Variants in OR51B6 observed in about 807,000 individuals in gnomAD.
The protein encoded by OR51B6 is olfactory receptor family 51 subfamily B member 6, also known as olfactory receptor 51B6.
For synonymous variants in OR51B6, 154 were observed against 137.3 expected, an observed-to-expected ratio of 1.12 and a Z score of -0.85; for missense variants, 502 against 382.2, an observed-to-expected ratio of 1.31 and a Z score of -2.61.
chr11:5,351,935 G>T lies in OR51B6; in HGVS notation c.428G>T (p.Gly143Val). 1 of 1,613,086 alleles carries T rather than the reference G, an allele frequency of 6.2e-7. No individual in the cohort carries two copies. Among genetic ancestry groups the T allele is most frequent in the African/African-American group, 1.3e-5 (1 of 74,986 alleles). ...ILTNTQVMKI[G>V]VRVLTRAGLS... is the part of the protein sequence containing the mutation. ...ACCAACACCCAGGTAATGAAGATTG[G>T]TGTGCGGGTATTGACAAGGGCTGGT... Residue 143 changes from glycine to valine, a missense_variant, in exon 1 of 1, where the codon GGT becomes GTT. Transcript: ENST00000380219.
rs1425220169 is a variant in OR51B6, at chr11:5,351,883, AGCCCCTTAAGATAT to A, written c.377_390del (p.Ser126AsnfsTer59). ...TTATGACTGTTTCATTACCATCCGC[AGCCCCTTAAGATAT>A]ACCTCTATCCTGACCAACACCCAGG... On this transcript the variant is annotated frameshift_variant, in exon 1 of 1. Coordinates refer to ENST00000380219, the MANE Select transcript of OR51B6 (RefSeq NM_001004750.1). LOFTEE classifies it low-confidence loss of function (END_TRUNC). 1 of 1,613,264 alleles carries A rather than the reference AGCCCCTTAAGATAT, an allele frequency of 6.2e-7. No individual in the cohort carries two copies. Among genetic ancestry groups the A allele is most frequent in the South Asian group, 1.1e-5 (1 of 91,056 alleles).
In OR51B6 at chr11:5,351,579, G is replaced by GA; in HGVS notation, c.73dup (p.Ile25AsnfsTer26). ...CAGGCATGGAGAAGGCACATCACTG[G>GA]ATATTCATCCCATTATTGGCAGCCT... On this transcript the variant is annotated frameshift_variant, in exon 1 of 1. Coordinates refer to ENST00000380219, the MANE Select transcript of OR51B6 (RefSeq NM_001004750.1). LOFTEE classifies it low-confidence loss of function (END_TRUNC). The GA allele has an allele frequency of 6.2e-7, 1 of 1,614,084 alleles. No individual in the cohort carries two copies. Among genetic ancestry groups the GA allele is most frequent in the Non-Finnish European group, 8.5e-7 (1 of 1,180,006 alleles).
In OR51B6 at chr11:5,352,008, T is replaced by C; in HGVS notation, c.501T>C (p.Cys167=). ...IVVRLHWFPY[C]RSHVLSHAFC... is the part of the protein sequence containing the mutation. ...TTCGCCTACACTGGTTTCCCTACTG[T>C]CGATCCCATGTACTCTCCCATGCTT... The change falls in exon 1 of 1, where the codon TGT becomes TGC. Residue 167 remains cysteine (C), a synonymous_variant. Transcript: ENST00000380219. 3.7e-6 allele frequency: 6 copies of C among 1,613,764 alleles called. No individual in the cohort carries two copies. The East Asian group carries it at 1.1e-4, about 30-fold the overall frequency.
Position 5,352,239 on chromosome 11 carries a change from C to T in OR51B6, c.732C>T (p.Cys244=). The T allele has an allele frequency of 1.2e-6, 2 of 1,614,190 alleles. No individual in the cohort carries two copies. Among genetic ancestry groups the T allele is most frequent in the South Asian group, 1.1e-5 (1 of 91,078 alleles). The change falls in exon 1 of 1, where the codon TGC becomes TGT. Residue 244 remains cysteine (C), a synonymous_variant. Coordinates refer to ENST00000380219, the MANE Select transcript of OR51B6 (RefSeq NM_001004750.1). ...KALNTCVSHI[C]CILVFYVTVV... is the part of the protein sequence containing the mutation. ...TCAACACATGTGTCTCTCATATCTG[C>T]TGCATCCTGGTCTTCTATGTCACTG...
In OR51B6 at chr11:5,351,550, T is replaced by C; in HGVS notation, c.43T>C (p.Phe15Leu). The change falls in exon 1 of 1, where the codon TTC (phenylalanine) becomes CTC (leucine). Residue 15 changes from phenylalanine to leucine, a missense_variant. Transcript: ENST00000380219. ...KSASTFQLTG[F>L]PGMEKAHHWI... Reference sequence around the variant, plus strand: ...TGCTTCCACCTTCCAGCTTACTGGCTTCCCAGGCATGGAGAAGGCACATCA... The same window carrying C: ...TGCTTCCACCTTCCAGCTTACTGGCCTCCCAGGCATGGAGAAGGCACATCA... The C allele has an allele frequency of 6.2e-7, 1 of 1,613,866 alleles. No homozygotes were observed. The highest frequency in any genetic ancestry group is 2.2e-5 in the East Asian group (1 of 44,874).
In OR51B6 at chr11:5,351,570, A is replaced by T. The variant is rs528500526; in HGVS notation, c.63A>T (p.Ala21=). Residue 21 remains alanine (A), a synonymous_variant, in exon 1 of 1, where the codon GCA becomes GCT. Transcript: ENST00000380219. ...CTGGCTTCCCAGGCATGGAGAAGGCACATCACTGGATATTCATCCCATTAT... is the reference window on the plus strand; with the variant it reads ...CTGGCTTCCCAGGCATGGAGAAGGCTCATCACTGGATATTCATCCCATTAT... ...QLTGFPGMEK[A]HHWIFIPLLA... The T allele has an allele frequency of 6.2e-7, 1 of 1,614,090 alleles. No individual in the cohort carries two copies. Among genetic ancestry groups the T allele is most frequent in the East Asian group, 2.2e-5 (1 of 44,880 alleles).
At position 5,352,249 on chromosome 11, in the gene OR51B6, G is replaced by C; in HGVS notation, c.742G>C (p.Val248Leu). 6.2e-7 allele frequency: 1 copy of C among 1,614,160 alleles called. No homozygotes were observed. The highest frequency in any genetic ancestry group is 1.6e-4 in the Middle Eastern group (1 of 6,062). ...TCVSHICCIL[V>L]FYVTVVCLTF... ...TGTCTCTCATATCTGCTGCATCCTG[G>C]TCTTCTATGTCACTGTAGTTTGTCT... The change falls in exon 1 of 1, where the codon GTC becomes CTC. Residue 248 changes from valine to leucine, a missense_variant. By Grantham distance (32) the Val-to-Leu change is conservative. Transcript: ENST00000380219.
At position 5,351,860 on chromosome 11, in the gene OR51B6, A is replaced by G. The variant is rs747932488; in HGVS notation, c.353A>G (p.Tyr118Cys). 1.2e-6 allele frequency: 2 copies of G among 1,613,672 alleles called. No individual in the cohort carries two copies. The highest frequency in any genetic ancestry group is 4.5e-5 in the East Asian group (2 of 44,878). The change falls in exon 1 of 1, where the codon TAT becomes TGT. Residue 118 changes from tyrosine to cysteine, a missense_variant. Physicochemically the swap from Tyr to Cys is radical, Grantham distance 194. Coordinates refer to ENST00000380219, the MANE Select transcript of OR51B6 (RefSeq NM_001004750.1). ...MESGVLLAMA[Y>C]DCFITIRSPL... Reference sequence around the variant, plus strand: ...TCAGGTGTCTTGCTTGCCATGGCTTATGACTGTTTCATTACCATCCGCAGC... The same window carrying G: ...TCAGGTGTCTTGCTTGCCATGGCTTGTGACTGTTTCATTACCATCCGCAGC...
chr11:5,352,277 C>G lies in OR51B6; in HGVS notation c.770C>G (p.Thr257Arg). The G allele has an allele frequency of 6.2e-7, 1 of 1,614,206 alleles. No homozygotes were observed. The highest frequency in any genetic ancestry group is 8.5e-7 in the Non-Finnish European group (1 of 1,180,022). The change falls in exon 1 of 1, where the codon ACA becomes AGA. Residue 257 changes from threonine to arginine, a missense_variant. Thr to Arg is a moderately conservative substitution (Grantham distance 71, BLOSUM62 -1). Coordinates refer to ENST00000380219, the MANE Select transcript of OR51B6 (RefSeq NM_001004750.1). ...TTCTATGTCACTGTAGTTTGTCTGA[C>G]ATTTATTCATAGGTTTGGAAAGCAT... ...LVFYVTVVCL[T>R]FIHRFGKHVP...
At position 5,352,129 on chromosome 11, in the gene OR51B6, G is replaced by T. The variant is rs936222203; in HGVS notation, c.622G>T (p.Asp208Tyr). ...AGTTTTATTTGCAATGGTCTTGTTG[G>T]ACTTTCTCATCATCTTTTTCTCCTA... ...VVVLFAMVLLDFLIIFFSYIL... is the reference protein window; with the variant it reads ...VVVLFAMVLLYFLIIFFSYIL... Residue 208 changes from aspartate (D) to tyrosine (Y), a missense_variant, in exon 1 of 1, where the codon GAC becomes TAC. Coordinates refer to ENST00000380219, the MANE Select transcript of OR51B6 (RefSeq NM_001004750.1). The T allele has an allele frequency of 6.2e-7, 1 of 1,614,094 alleles. No homozygotes were observed. The highest frequency in any genetic ancestry group is 2.2e-5 in the East Asian group (1 of 44,884).
In OR51B6 at chr11:5,351,613, A is replaced by G; in HGVS notation, c.106A>G (p.Ile36Val). Reference protein sequence around the residue: ...FIPLLAAYISILLGNGTLLFL... With the variant: ...FIPLLAAYISVLLGNGTLLFL... ...CCCATTATTGGCAGCCTACATCTCC[A>G]TACTTCTTGGCAATGGCACTCTTCT... Residue 36 changes from isoleucine (I) to valine (V), a missense_variant, in exon 1 of 1, where the codon ATA (isoleucine) becomes GTA (valine). Transcript: ENST00000380219. The G allele has an allele frequency of 6.2e-7, 1 of 1,614,074 alleles. No individual in the cohort carries two copies. Among genetic ancestry groups the G allele is most frequent in the Middle Eastern group, 1.7e-4 (1 of 6,060 alleles).
Position 5,351,958 on chromosome 11 carries a change from G to A in OR51B6, c.451G>A (p.Gly151Ser). Residue 151 changes from glycine to serine, a missense_variant, in exon 1 of 1, where the codon GGT becomes AGT. By Grantham distance (56) the Gly-to-Ser change is moderately conservative (BLOSUM62 0). Coordinates refer to ENST00000380219, the MANE Select transcript of OR51B6 (RefSeq NM_001004750.1). ...TGGTGTGCGGGTATTGACAAGGGCT[G>A]GTCTGTCCATTATGCCAATAGTTGT... is the stretch of plus-strand genomic sequence containing the variant. ...KIGVRVLTRA[G>S]LSIMPIVVRL... 6.2e-7 allele frequency: 1 copy of A among 1,612,914 alleles called. No homozygotes were observed. Among genetic ancestry groups the A allele is most frequent in the Non-Finnish European group, 8.5e-7 (1 of 1,178,988 alleles).
Position 5,351,942 on chromosome 11 carries a change from G to A in OR51B6, c.435G>A (p.Arg145=), listed in dbSNP as rs1440843569. Residue 145 remains arginine (R), a synonymous_variant, in exon 1 of 1, where the codon CGG becomes CGA. Coordinates refer to ENST00000380219, the MANE Select transcript of OR51B6 (RefSeq NM_001004750.1). ...CCCAGGTAATGAAGATTGGTGTGCG[G>A]GTATTGACAAGGGCTGGTCTGTCCA... ...TNTQVMKIGV[R]VLTRAGLSIM... The A allele has an allele frequency of 1.9e-6, 3 of 1,612,832 alleles. No individual in the cohort carries two copies. The highest frequency in any genetic ancestry group is 1.7e-5 in the Admixed American group (1 of 60,000).
Position 5,351,929 on chromosome 11 carries a change from A to C in OR51B6, c.422A>C (p.Lys141Thr). 1 of 1,613,140 alleles carries C rather than the reference A, an allele frequency of 6.2e-7. No individual in the cohort carries two copies. Among genetic ancestry groups the C allele is most frequent in the Non-Finnish European group, 8.5e-7 (1 of 1,179,134 alleles). ...TSILTNTQVM[K>T]IGVRVLTRAG... ...ATCCTGACCAACACCCAGGTAATGA[A>C]GATTGGTGTGCGGGTATTGACAAGG... The change falls in exon 1 of 1, where the codon AAG becomes ACG. Residue 141 changes from lysine (K) to threonine (T), a missense_variant. Physicochemically the swap from Lys to Thr is moderately conservative, Grantham distance 78. Transcript: ENST00000380219.
Position 5,351,731 on chromosome 11 carries a change from C to A in OR51B6, c.224C>A (p.Thr75Lys), listed in dbSNP as rs185127545. 3.1e-6 allele frequency: 5 copies of A among 1,613,946 alleles called. No homozygotes were observed. The Admixed American group carries it at 6.7e-5, about 22-fold the overall frequency. Residue 75 changes from threonine (T) to lysine (K), a missense_variant, in exon 1 of 1, where the codon ACA becomes AAA. Coordinates refer to ENST00000380219, the MANE Select transcript of OR51B6 (RefSeq NM_001004750.1). ...AATDLGVTLT[T>K]MPTVLGVLWL... ...ACAGACCTCGGAGTGACATTGACCACAATGCCCACAGTGCTAGGTGTTCTG... is the reference window on the plus strand; with the variant it reads ...ACAGACCTCGGAGTGACATTGACCAAAATGCCCACAGTGCTAGGTGTTCTG...
Position 5,351,715 on chromosome 11 carries a change from G to A in OR51B6, c.208G>A (p.Gly70Arg), listed in dbSNP as rs143848596. The part of the protein sequence containing the change: ...FLAMLAATDL[G>R]VTLTTMPTVL... Reference sequence around the variant, plus strand: ...AGCTATGTTGGCAGCTACAGACCTCGGAGTGACATTGACCACAATGCCCAC... The same window carrying A: ...AGCTATGTTGGCAGCTACAGACCTCAGAGTGACATTGACCACAATGCCCAC... The change falls in exon 1 of 1, where the codon GGA becomes AGA. Residue 70 changes from glycine (G) to arginine (R), a missense_variant. Gly to Arg is a moderately radical substitution (Grantham distance 125, BLOSUM62 -2). Transcript: ENST00000380219. 1.4e-4 allele frequency: 221 copies of A among 1,613,960 alleles called. No individual in the cohort carries two copies. In the African/African-American group the frequency reaches 1.4e-3, roughly 10 times the overall value.
chr11:5,352,358 T>A lies in OR51B6; in HGVS notation c.851T>A (p.Phe284Tyr), dbSNP rs1564916608. Residue 284 changes from phenylalanine (F) to tyrosine (Y), a missense_variant, in exon 1 of 1, where the codon TTT becomes TAT. By Grantham distance (22) the Phe-to-Tyr change is conservative. Coordinates refer to ENST00000380219, the MANE Select transcript of OR51B6 (RefSeq NM_001004750.1). ...TACATCCACTTCCTTTTCCCACCTT[T>A]TATGAACCCATTTATCTATAGCATT... ...MSYIHFLFPP[F>Y]MNPFIYSIKT... 1 of 1,613,946 alleles carries A rather than the reference T, an allele frequency of 6.2e-7. No individual in the cohort carries two copies. The highest frequency in any genetic ancestry group is 1.7e-5 in the Admixed American group (1 of 60,030).
Position 5,351,579 on chromosome 11 carries a change from GA to G in OR51B6, c.73del (p.Ile25TyrfsTer37), listed in dbSNP as rs758710267. 1.2e-6 allele frequency: 2 copies of G among 1,613,966 alleles called. No homozygotes were observed. Among genetic ancestry groups the G allele is most frequent in the African/African-American group, 2.7e-5 (2 of 74,928 alleles). ...FPGMEKAHHW[I>X]FIPLLAAYIS... ...CAGGCATGGAGAAGGCACATCACTG[GA>G]TATTCATCCCATTATTGGCAGCCTA... is the stretch of plus-strand genomic sequence containing the variant. On this transcript the variant is annotated frameshift_variant, in exon 1 of 1. Transcript: ENST00000380219. LOFTEE classifies it low-confidence loss of function (END_TRUNC).
chr11:5,352,380 C>T lies in OR51B6; in HGVS notation c.873C>T (p.Ser291=), dbSNP rs768813248. ...CTTTTATGAACCCATTTATCTATAG[C>T]ATTAAAACTAAGCAGATTCAGAGTG... ...FPPFMNPFIY[S]IKTKQIQSGI... The change falls in exon 1 of 1, where the codon AGC becomes AGT. Residue 291 remains serine, a synonymous_variant. Transcript: ENST00000380219. 2.5e-5 allele frequency: 41 copies of T among 1,613,402 alleles called. No homozygotes were observed. Among genetic ancestry groups the T allele is most frequent in the Non-Finnish European group, 3.4e-5 (40 of 1,179,608 alleles).
Sources: allele counts gnomAD v4.1 joint callset, GRCh38; gene constraint gnomAD v4.1.1; transcripts MANE v1.5; gene names NCBI Gene and HGNC (gene_info 2026-07-23, HGNC 2026-07-21).